The following CHSY1 variants were observed in gnomAD, a reference collection of about 807,000 sequenced individuals.
The protein encoded by CHSY1 is chondroitin sulfate synthase 1.
In CHSY1, 13 loss-of-function variants were observed where a neutral mutation model predicts 59.8. The ratio of observed to expected loss-of-function variants is 0.22; its 90% CI spans 0.14 to 0.35. The LOEUF (loss-of-function observed/expected upper bound fraction) is 0.35, where lower values mean the gene tolerates loss of function less well. Among genes scored for constraint, CHSY1 ranks in the 10% least tolerant of loss-of-function variants. The probability of loss-of-function intolerance (pLI) is 1.00; values close to 1 mark genes in which losing one functional copy is unlikely to be tolerated. For missense variants in CHSY1, 947 were observed against 1,030.6 expected, an observed-to-expected ratio of 0.92 and a Z score of 1.11; for synonymous variants, 459 against 401.2, an observed-to-expected ratio of 1.14 and a Z score of -1.72.
rs2141286153 is a variant in CHSY1 at position 101,251,318 on chromosome 15, C to A, written c.139G>T (p.Gly47Cys). The A allele has an allele frequency of 8.8e-7, 1 of 1,134,386 alleles. No individual in the cohort carries two copies. Among genetic ancestry groups the A allele is most frequent in the Non-Finnish European group, 1.1e-6 (1 of 922,784 alleles). 70.3% of individuals were successfully genotyped at this position (1,134,386 alleles called of 1,614,324 possible). Residue 47 changes from glycine to cysteine, a missense_variant, in exon 1 of 3, where the codon GGC (glycine) becomes TGC (cysteine). Transcript: ENST00000254190. ...AGPRRRASPE[G>C]CRSGQAAASQ... is the part of the protein sequence containing the mutation. ...GCCGCCGCCTGCCCGGACCGGCAGC[C>A]CTCGGGGCTGGCGCGGCGCCGTGGG...
At chr15:101,180,680 G>A (rs1056415610) in intron 2 of CHSY1, among the ~76,000 whole-genome samples, 4 of 152,212 alleles carry the variant, frequency 2.6e-5, no homozygotes, top group African/African-American at 9.6e-5. Context: ...CCTGGGGCTT[G>A]CTGAGAGAAG....
chr15:101,236,354 C>T (rs1038205116), intron 1 of CHSY1, among the ~76,000 whole-genome samples: 1 of 152,168 alleles, frequency 6.6e-6, no homozygotes, highest in African/African-American at 2.4e-5. Context: ...CAGCTTCCCC[C>T]ACACTGTTCT....
chr15:101,235,681 T>C, intron 1 of CHSY1, 104 bp from the exon 2 acceptor site: 1 of 1,314,992 alleles, frequency 7.6e-7, no homozygotes, highest in South Asian at 1.2e-5. Flanking sequence ...AATGGAATGA[T>C]AAAAAGCTAC....
Position 101,178,594 on chromosome 15 carries a change from C to T in CHSY1, c.1203G>A (p.Gln401=). ...QPPRRGMDSA[Q]REALDDIVMQ... ...TGACAATGTCGTCCAAGGCTTCCCT[C>T]TGGGCGGAGTCCATTCCTCTTCGAG... is the stretch of plus-strand genomic sequence containing the variant. The change falls in exon 3 of 3, where the codon CAG becomes CAA. Residue 401 remains glutamine (Q), a synonymous_variant. Transcript: ENST00000254190. The T allele has an allele frequency of 1.2e-6, 2 of 1,614,238 alleles. No individual in the cohort carries two copies. Among genetic ancestry groups the T allele is most frequent in the Non-Finnish European group, 1.7e-6 (2 of 1,180,050 alleles).
At chr15:101,225,658 C>T (rs540995721) in intron 2 of CHSY1, among the ~76,000 whole-genome samples, 36 of 152,320 alleles carry the variant, frequency 2.4e-4, no homozygotes, top group South Asian at 4.1e-4. Context: ...TCCCGCTTTG[C>T]CTTCCACCAT....
chr15:101,201,782 A>G (rs920485197), intron 2 of CHSY1, among the ~76,000 whole-genome samples: 1 of 152,224 alleles, frequency 6.6e-6, no homozygotes, highest in African/African-American at 2.4e-5. Flanking sequence ...TAGAGAGATC[A>G]GCCTAACCAG....
intron 2 of CHSY1, among the ~76,000 whole-genome samples, chr15:101,221,730 G>A (rs1298934223): frequency 6.6e-6 from 1 of 152,102 alleles, no homozygotes. Flanking sequence ...TAAAACCAGT[G>A]TACCTGTTCC....
rs375068586 is a variant in CHSY1, at chr15:101,223,169, A to C, written c.816+11913T>G. 3.7e-4 allele frequency among the ~76,000 whole-genome samples: 56 copies of C among 152,152 alleles called. 1 individual carries two copies. The South Asian group carries it at 0.011, about 30-fold the overall frequency. ...CCACCACGCCCGGCTAATTTTTTGT[A>C]TTTTTAGTAGAGACAGGGTTTTGCC... On this transcript the variant is annotated intron_variant, in intron 2 of 2. Coordinates refer to ENST00000254190, the MANE Select transcript of CHSY1 (RefSeq NM_014918.5).
intron 2 of CHSY1, among the ~76,000 whole-genome samples, chr15:101,184,010 G>T (rs966466549): frequency 6.6e-6 from 1 of 152,212 alleles, no homozygotes; most frequent in African/African-American, 2.4e-5. Context: ...TGATATAGTG[G>T]TCACCTTTTT....
intron 1 of CHSY1, among the ~76,000 whole-genome samples, chr15:101,242,261 G>T (rs906660144): frequency 6.6e-6 from 1 of 152,202 alleles, no homozygotes; most frequent in Admixed American, 6.5e-5. Flanking sequence ...CGCAAGGAAC[G>T]AAAGGCAAAT....
intron 2 of CHSY1, among the ~76,000 whole-genome samples, chr15:101,206,492 A>T (rs573126015): frequency 6.7e-6 from 1 of 148,616 alleles, no homozygotes; most frequent in South Asian, 2.1e-4. Context: ...GTGCTAAGTG[A>T]CAGATCACCA....
chr15:101,251,338 C>T lies in CHSY1; in HGVS notation c.119G>A (p.Arg40Gln). 1 of 1,138,756 alleles carries T rather than the reference C, an allele frequency of 8.8e-7. No individual in the cohort carries two copies. The highest frequency in any genetic ancestry group is 1.9e-5 in the South Asian group (1 of 51,888). 70.5% of individuals were successfully genotyped at this position (1,138,756 alleles called of 1,614,324 possible). The change falls in exon 1 of 3, where the codon CGG becomes CAG. Residue 40 changes from arginine (R) to glutamine (Q), a missense_variant. Arg to Gln is a conservative substitution (Grantham distance 43). Coordinates refer to ENST00000254190, the MANE Select transcript of CHSY1 (RefSeq NM_014918.5). ...RASELKRAGP[R>Q]RRASPEGCRS... ...GCAGCCCTCGGGGCTGGCGCGGCGC[C>T]GTGGGCCCGCTCGCTTCAGCTCGGA...
At chr15:101,248,020 A>G (rs1178554556) in intron 1 of CHSY1, among the ~76,000 whole-genome samples, 4 of 152,190 alleles carry the variant, frequency 2.6e-5, no homozygotes, top group Non-Finnish European at 4.4e-5. Flanking sequence ...TCCTTCATCT[A>G]TAAGCCAAAC....
chr15:101,201,219 T>C (rs904104928), intron 2 of CHSY1, among the ~76,000 whole-genome samples: 13 of 152,040 alleles, frequency 8.6e-5, no homozygotes, highest in African/African-American at 2.9e-4. Flanking sequence ...GGGTATAGAG[T>C]AGAATCATCT....
At chr15:101,221,807 A>G (rs2038791403) in intron 2 of CHSY1, among the ~76,000 whole-genome samples, 1 of 124,764 alleles carries the variant, frequency 8.0e-6, no homozygotes, top group South Asian at 2.2e-4. Flanking sequence ...TTTCTGTCAC[A>G]GGGAGTTTTT....
chr15:101,227,915 C>T (rs1320079167), intron 2 of CHSY1, among the ~76,000 whole-genome samples: 1 of 143,046 alleles, frequency 7.0e-6, no homozygotes, highest in Non-Finnish European at 1.5e-5. Context: ...CAACAAAACC[C>T]AGCAATAACA....
rs539319307 is a variant in CHSY1 at position 101,176,911 on chromosome 15, A to T, written c.*477T>A. On this transcript the variant is annotated 3_prime_UTR_variant, in exon 3 of 3. Transcript: ENST00000254190. ...TCCTGAAGACAATGATGAAACAGCT[A>T]TTATCACATTTCCTTATCTTACAAC... is the stretch of plus-strand genomic sequence containing the variant. The T allele has an allele frequency of 2.5e-5, 4 of 160,376 alleles. No individual in the cohort carries two copies. The highest frequency in any genetic ancestry group is 9.6e-5 in the African/African-American group (4 of 41,718). 9.9% of individuals were successfully genotyped at this position (160,376 alleles called of 1,614,324 possible). A position where few individuals can be genotyped will look rare whatever the true frequency, so the allele number is the denominator to read the frequency against.
Position 101,251,856 on chromosome 15 carries a change from T to G in CHSY1, c.-400A>C, listed in dbSNP as rs1596459476. ...GCGTCCTCCGGCTGGCTGGGCTCGG[T>G]TCGCACGGCGCCTGTCCCCGTCCTC... On this transcript the variant is annotated 5_prime_UTR_variant, in exon 1 of 3. Transcript: ENST00000254190. 6.8e-6 allele frequency: 1 copy of G among 147,300 alleles called. No individual in the cohort carries two copies. The highest frequency in any genetic ancestry group is 2.1e-4 in the South Asian group (1 of 4,672). The allele number at this position is 147,300 out of a possible 1,614,324, so 9.1% of individuals were successfully genotyped here.
chr15:101,251,223 A>T lies in CHSY1; in HGVS notation c.234T>A (p.Asp78Glu). Residue 78 changes from aspartate to glutamate, a missense_variant, in exon 1 of 3, where the codon GAT becomes GAA. Around this residue, in one of 4 missense-constraint regions of CHSY1, gnomAD observed 232 missense variants for 188.5 expected, o/e 1.23. Transcript: ENST00000254190. ...AQLWPPGSDP[D>E]GGPRDRNFLF... ...GAAAGTTCCTGTCGCGCGGGCCGCCATCTGGGTCCGAGCCGGGCGGCCAGA... is the reference window on the plus strand; with the variant it reads ...GAAAGTTCCTGTCGCGCGGGCCGCCTTCTGGGTCCGAGCCGGGCGGCCAGA... 6.3e-7 allele frequency: 1 copy of T among 1,589,486 alleles called. No individual in the cohort carries two copies. Among genetic ancestry groups the T allele is most frequent in the Non-Finnish European group, 8.5e-7 (1 of 1,172,446 alleles).
Sources: allele counts gnomAD v4.1 joint callset (sites outside exome capture counted in the v4.1 genomes callset), GRCh38; gene constraint gnomAD v4.1.1; regional missense constraint gnomAD v4.1.1; transcripts MANE v1.5; gene names NCBI Gene and HGNC (gene_info 2026-07-23, HGNC 2026-07-21).